The following CTDSPL2 variants were observed in gnomAD, a reference collection of about 807,000 sequenced individuals.
CTDSPL2 encodes CTD small phosphatase like 2, also known as CTD small phosphatase-like protein 2.
CTDSPL2 carries 5 observed loss-of-function variants against 60.0 expected under a neutral mutation model. The observed-to-expected ratio is 0.08, with a 90% CI of 0.04 to 0.18. The LOEUF (loss-of-function observed/expected upper bound fraction) is 0.18. Ranked by LOEUF, CTDSPL2 falls within the 10% of genes least tolerant of loss-of-function variation. The pLI, the probability that CTDSPL2 is intolerant of heterozygous loss-of-function variation, is 1.00. For synonymous variants in CTDSPL2, 186 were observed against 189.3 expected (o/e 0.98, Z 0.14); for missense variants, 370 against 548.8 (o/e 0.67, Z 3.26).
intron 2 of CTDSPL2, among the ~76,000 whole-genome samples, chr15:44,472,014 G>A (rs1191760545): frequency 6.6e-6 from 1 of 151,014 alleles, no homozygotes; most frequent in Non-Finnish European, 1.5e-5. Context: ...CCATGTTGTG[G>A]CATATATTAT....
chr15:44,525,056 G>A lies in CTDSPL2; in HGVS notation c.*882G>A. 1 of 214,440 alleles carries A rather than the reference G, an allele frequency of 4.7e-6. No individual in the cohort carries two copies. The highest frequency in any genetic ancestry group is 9.2e-6 in the Non-Finnish European group (1 of 109,010). 13.3% of individuals were successfully genotyped at this position (214,440 alleles called of 1,614,324 possible). ...ATAAAGGTATACCTCAGACTTCACT[G>A]TGCTCACAAATCTTTGAGGAGAAAG... On this transcript the variant is annotated 3_prime_UTR_variant, in exon 13 of 13. Coordinates refer to ENST00000260327, the MANE Select transcript of CTDSPL2 (RefSeq NM_016396.3).
intron 10 of CTDSPL2, among the ~76,000 whole-genome samples, chr15:44,515,335 C>A (rs916090156): frequency 6.6e-5 from 10 of 152,158 alleles, no homozygotes; most frequent in African/African-American, 2.2e-4. Flanking sequence ...TGGGTTTAGT[C>A]ACTCAGGTTA....
At chr15:44,488,248 A>C (rs1441804695) in intron 4 of CTDSPL2, among the ~76,000 whole-genome samples, 1 of 152,168 alleles carries the variant, frequency 6.6e-6, no homozygotes, top group Non-Finnish European at 1.5e-5. Context: ...TGTGTAGACT[A>C]GATTCTGAAG....
intron 2 of CTDSPL2, among the ~76,000 whole-genome samples, chr15:44,482,994 C>CA (rs551239385): frequency 0.027 from 4,064 of 152,194 alleles, 90 homozygotes; most frequent in East Asian, 0.097. Flanking sequence ...GGTGCTGTGG[C>CA]TCATGCCTGT....
intron 1 of CTDSPL2, among the ~76,000 whole-genome samples, chr15:44,439,552 G>A (rs1028149459): frequency 2.6e-5 from 4 of 151,224 alleles, no homozygotes; most frequent in Admixed American, 2.0e-4. Context: ...TTGGGGGGGG[G>A]GGAATATTTG....
At chr15:44,492,326 A>C (rs1369370559) in intron 5 of CTDSPL2, among the ~76,000 whole-genome samples, 1 of 152,178 alleles carries the variant, frequency 6.6e-6, no homozygotes, top group East Asian at 1.9e-4. Context: ...GCAGAGCAAG[A>C]TCCAGTCTTG....
chr15:44,476,919 C>T (rs1466863590), intron 2 of CTDSPL2, among the ~76,000 whole-genome samples: 1 of 152,102 alleles, frequency 6.6e-6, no homozygotes, highest in Non-Finnish European at 1.5e-5. Flanking sequence ...TTAGTAAGAG[C>T]ACAGTAGAAG....
chr15:44,455,734 C>G (rs966906873), intron 1 of CTDSPL2, among the ~76,000 whole-genome samples: 1 of 150,324 alleles, frequency 6.7e-6, no homozygotes, highest in African/African-American at 2.5e-5. Flanking sequence ...TATTGATTTG[C>G]GTATGTTGAA....
At chr15:44,475,492 A>G (rs2080897317) in intron 2 of CTDSPL2, among the ~76,000 whole-genome samples, 1 of 152,058 alleles carries the variant, frequency 6.6e-6, no homozygotes, top group Non-Finnish European at 1.5e-5. Flanking sequence ...TACAAAAATT[A>G]GCTGGGTGTG....
At chr15:44,511,989 C>T (rs2081575559) in intron 8 of CTDSPL2, among the ~76,000 whole-genome samples, 1 of 151,080 alleles carries the variant, frequency 6.6e-6, no homozygotes, top group Non-Finnish European at 1.5e-5. Context: ...GAGTTTGAGA[C>T]CAGCTTGGGC....
intron 1 of CTDSPL2, among the ~76,000 whole-genome samples, chr15:44,437,018 T>C (rs1229165004): frequency 6.6e-6 from 1 of 152,194 alleles, no homozygotes; most frequent in Non-Finnish European, 1.5e-5. Flanking sequence ...CTTACACACA[T>C]AGTCTGAAGG....
At chr15:44,437,851 A>C (rs1173229123) in intron 1 of CTDSPL2, among the ~76,000 whole-genome samples, 1 of 152,230 alleles carries the variant, frequency 6.6e-6, no homozygotes, top group Non-Finnish European at 1.5e-5. Flanking sequence ...CTTATACATG[A>C]TACTTGGGCT....
At chr15:44,499,034 T>C (rs1443182844) in intron 7 of CTDSPL2, among the ~76,000 whole-genome samples, 1 of 152,192 alleles carries the variant, frequency 6.6e-6, no homozygotes, top group African/African-American at 2.4e-5. Flanking sequence ...GCATGTGGGT[T>C]TAACTGAAAG....
At chr15:44,471,081 A>T (rs1173379218) in intron 2 of CTDSPL2, among the ~76,000 whole-genome samples, 1 of 152,172 alleles carries the variant, frequency 6.6e-6, no homozygotes, top group Non-Finnish European at 1.5e-5. Flanking sequence ...CTGTCATTAT[A>T]GAGTTTCATA....
chr15:44,509,186 T>C (rs969626949), intron 8 of CTDSPL2, among the ~76,000 whole-genome samples: 7 of 152,026 alleles, frequency 4.6e-5, no homozygotes, highest in Admixed American at 4.6e-4. Flanking sequence ...GACTGCCTTT[T>C]TTATTTTTAT....
At chr15:44,512,279 T>G (rs1051647483) in intron 8 of CTDSPL2, among the ~76,000 whole-genome samples, 1 of 152,176 alleles carries the variant, frequency 6.6e-6, no homozygotes, top group African/African-American at 2.4e-5. Context: ...ATTTTGCATT[T>G]TCAGATAAGG....
intron 1 of CTDSPL2, among the ~76,000 whole-genome samples, chr15:44,439,141 A>ATTGTTG (rs1555429955): frequency 1.3e-5 from 2 of 149,308 alleles, no homozygotes; most frequent in African/African-American, 4.9e-5. Context: ...TATTATTATT[A>ATTGTTG]TTGTTATTTA....
intron 1 of CTDSPL2, among the ~76,000 whole-genome samples, chr15:44,458,250 G>A (rs956324332): frequency 6.6e-6 from 1 of 152,184 alleles, no homozygotes; most frequent in East Asian, 1.9e-4. Flanking sequence ...TTAATTCTTC[G>A]TTTAGTATTC....
At chr15:44,460,574 G>A (rs1433528780) in intron 2 of CTDSPL2, among the ~76,000 whole-genome samples, 1 of 152,014 alleles carries the variant, frequency 6.6e-6, no homozygotes, top group African/African-American at 2.4e-5. Flanking sequence ...ATAAATTACT[G>A]GCTGACTTGT....
Sources: gnomAD v4.1 joint callset for allele counts (sites outside exome capture counted in the v4.1 genomes callset) on GRCh38, gnomAD v4.1.1 for gene constraint, MANE v1.5 for transcripts, NCBI Gene and HGNC (gene_info 2026-07-23, HGNC 2026-07-21) for gene names.